The following FHIT variants were observed in gnomAD, a reference collection of about 807,000 sequenced individuals.
FHIT encodes fragile histidine triad diadenosine triphosphatase.
In FHIT, 19 loss-of-function variants were observed where a neutral mutation model predicts 17.9. The observed-to-expected ratio is 1.06, with a 90% CI of 0.74 to 1.56. FHIT has a LOEUF of 1.56. FHIT is among the 40% of genes most tolerant of loss of function. The pLI is 0.00. For missense variants in FHIT, 248 were observed against 189.2 expected, an observed-to-expected ratio of 1.31 and a Z score of -1.82; for synonymous variants, 81 against 69.7, an observed-to-expected ratio of 1.16 and a Z score of -0.81.
intron 8 of FHIT, among the ~76,000 whole-genome samples, chr3:59,793,519 TG>T (rs1277065791): frequency 2.6e-5 from 4 of 152,148 alleles, no homozygotes; most frequent in Non-Finnish European, 5.9e-5. Flanking sequence ...TTGAGCCTCC[TG>T]GCTTCCAGAC....
In FHIT at chr3:60,170,528, C is replaced by T. The variant is rs113011371; in HGVS notation, c.104-156376G>A. On this transcript the variant is annotated intron_variant, in intron 5 of 9. Coordinates refer to ENST00000492590, the MANE Select transcript of FHIT (RefSeq NM_002012.4). ...TACCAAATGGACCATGTTTTGCTCA[C>T]CAGTGTGACCCCAGCACTTAGGACA... is the stretch of plus-strand genomic sequence containing the variant. Among the ~76,000 whole-genome samples the T allele has an allele frequency of 2.2e-3, 339 of 152,236 alleles. 3 individuals are homozygous for T. The highest frequency in any genetic ancestry group is 7.8e-3 in the African/African-American group (323 of 41,558).
chr3:60,782,766 G>A (rs1214615097), intron 4 of FHIT, among the ~76,000 whole-genome samples: 3 of 152,160 alleles, frequency 2.0e-5, no homozygotes, highest in African/African-American at 7.2e-5. Context: ...GGTGCCAGTA[G>A]ATTAAGTGTC....
At chr3:60,028,923 C>A (rs1700866048) in intron 5 of FHIT, among the ~76,000 whole-genome samples, 1 of 152,118 alleles carries the variant, frequency 6.6e-6, no homozygotes, top group South Asian at 2.1e-4. Flanking sequence ...GGAAGGAGAT[C>A]CACACTTTAG....
At chr3:60,098,846 G>C (rs545089285) in intron 5 of FHIT, among the ~76,000 whole-genome samples, 1 of 152,260 alleles carries the variant, frequency 6.6e-6, no homozygotes, top group South Asian at 2.1e-4. Context: ...GTCAAATTTT[G>C]GGAGAGTCAA....
chr3:60,948,462 CAACATGAA>C (rs1180701983), intron 3 of FHIT, among the ~76,000 whole-genome samples: 23 of 152,262 alleles, frequency 1.5e-4, no homozygotes, highest in African/African-American at 5.3e-4. Context: ...GGACTTTGAT[CAACATGAA>C]AACTAAAAAT....
chr3:60,010,810 T>A (rs907796077), intron 7 of FHIT, among the ~76,000 whole-genome samples: 1 of 152,124 alleles, frequency 6.6e-6, no homozygotes, highest in Non-Finnish European at 1.5e-5. Flanking sequence ...TGAGCTCCAC[T>A]GACTCCATTA....
intron 3 of FHIT, among the ~76,000 whole-genome samples, chr3:60,924,015 G>A (rs113228858): frequency 1.3e-5 from 2 of 152,108 alleles, no homozygotes; most frequent in East Asian, 1.9e-4. Context: ...TTGGGGAGGG[G>A]CCCCTGCCAT....
intron 2 of FHIT, among the ~76,000 whole-genome samples, chr3:61,100,389 A>G (rs1284082840): frequency 6.6e-6 from 1 of 152,050 alleles, no homozygotes; most frequent in African/African-American, 2.4e-5. Context: ...AGGACATGAA[A>G]TTATCCTTTT....
At chr3:60,012,266 G>GTTTTTTTT (rs769497004) in intron 6 of FHIT, among the ~76,000 whole-genome samples, 1 of 112,482 alleles carries the variant, frequency 8.9e-6, no homozygotes, top group East Asian at 2.7e-4. Flanking sequence ...TTTTTTTGTT[G>GTTTTTTTT]TTTTTTTTTT....
chr3:60,421,030 C>T (rs1275263336), intron 5 of FHIT, among the ~76,000 whole-genome samples: 1 of 138,342 alleles, frequency 7.2e-6, no homozygotes, highest in Non-Finnish European at 1.6e-5. Flanking sequence ...TCTCCCACTA[C>T]TTTTTTTTTT....
intron 1 of FHIT, among the ~76,000 whole-genome samples, chr3:61,204,966 C>G (rs1278531038): frequency 6.9e-6 from 1 of 145,000 alleles, no homozygotes; most frequent in Non-Finnish European, 1.5e-5. Flanking sequence ...TAATGCCATC[C>G]CACCCACCCC....
chr3:60,027,009 G>T lies in FHIT; in HGVS notation c.104-12857C>A, dbSNP rs144543169. On this transcript the variant is annotated intron_variant, in intron 5 of 9. Coordinates refer to ENST00000492590, the MANE Select transcript of FHIT (RefSeq NM_002012.4). Reference sequence around the variant, plus strand: ...AGCTACTCGGAAAGCTGAGGCAGGAGAATTTCTTGAACCCAGGAAGCAGAG... The same window carrying T: ...AGCTACTCGGAAAGCTGAGGCAGGATAATTTCTTGAACCCAGGAAGCAGAG... Among the ~76,000 whole-genome samples, 13 of 152,020 alleles carry T rather than the reference G, an allele frequency of 8.6e-5. No homozygotes were observed. The East Asian group carries it at 2.5e-3, about 29-fold the overall frequency.
rs947023052 is a variant in FHIT, at chr3:61,230,135, G to A, written c.-213+21166C>T. 2.0e-4 allele frequency among the ~76,000 whole-genome samples: 30 copies of A among 152,334 alleles called. 1 individual carries two copies. The highest frequency in any genetic ancestry group is 7.0e-4 in the African/African-American group (29 of 41,580). ...CAACTTGAAAATGCCAAGACACAAT[G>A]AGAAAGACTTGGATCAATGAGATAG... On this transcript the variant is annotated intron_variant, in intron 1 of 9. Coordinates refer to ENST00000492590, the MANE Select transcript of FHIT (RefSeq NM_002012.4).
intron 5 of FHIT, among the ~76,000 whole-genome samples, chr3:60,125,164 T>C (rs900415868): frequency 6.6e-6 from 1 of 152,302 alleles, no homozygotes; most frequent in South Asian, 2.1e-4. Context: ...CCAAAGGTCA[T>C]GGAGCAAGAT....
intron 5 of FHIT, among the ~76,000 whole-genome samples, chr3:60,061,124 G>A (rs1353562051): frequency 6.6e-6 from 1 of 152,174 alleles, no homozygotes; most frequent in Non-Finnish European, 1.5e-5. Context: ...CAAATAATAG[G>A]ATGGGGAAAG....
Position 60,557,849 on chromosome 3 carries a change from T to C in FHIT, c.-17-20870A>G, listed in dbSNP as rs747215353. 1.3e-5 allele frequency among the ~76,000 whole-genome samples: 2 copies of C among 152,064 alleles called. 1 individual carries two copies. The highest frequency in any genetic ancestry group is 4.1e-4 in the South Asian group (2 of 4,822). On this transcript the variant is annotated intron_variant, in intron 4 of 9. Coordinates refer to ENST00000492590, the MANE Select transcript of FHIT (RefSeq NM_002012.4). Reference sequence around the variant, plus strand: ...TGATGTGTGTTCTCCCAGTGCAGAATCTCTGAGCTCTGTAATCTTAAAGGC... The same window carrying C: ...TGATGTGTGTTCTCCCAGTGCAGAACCTCTGAGCTCTGTAATCTTAAAGGC...
rs2036997562 is a variant in FHIT at position 61,139,029 on chromosome 3, AC to A, written c.-164+61587del. ...AGCCCCGTATGCAACTCTATATCAAACTTTTTTTTTTTTTTTTTGAGACAGA... is the reference window on the plus strand; with the variant it reads ...AGCCCCGTATGCAACTCTATATCAAATTTTTTTTTTTTTTTTTGAGACAGA... On this transcript the variant is annotated intron_variant, in intron 2 of 9. Coordinates refer to ENST00000492590, the MANE Select transcript of FHIT (RefSeq NM_002012.4). Among the ~76,000 whole-genome samples, 3 of 136,424 alleles carry A rather than the reference AC, an allele frequency of 2.2e-5. No individual in the cohort carries two copies. The Admixed American group carries it at 2.4e-4, about 11-fold the overall frequency. The allele number at this position is 136,424 out of a possible 152,430, so 89.5% of individuals were successfully genotyped here. A position where few individuals can be genotyped will look rare whatever the true frequency, so the allele number is the denominator to read the frequency against.
chr3:60,130,800 C>CAG (rs1699525158), intron 5 of FHIT, among the ~76,000 whole-genome samples: 1 of 130,064 alleles, frequency 7.7e-6, no homozygotes. Flanking sequence ...TATATACACA[C>CAG]ATATATATGT....
chr3:60,963,505 C>A (rs1553781910), intron 3 of FHIT, among the ~76,000 whole-genome samples: 1 of 152,152 alleles, frequency 6.6e-6, no homozygotes, highest in Non-Finnish European at 1.5e-5. Context: ...TTGTCTAGTT[C>A]TTTTAATTGT....
Sources: allele counts gnomAD v4.1 joint callset (sites outside exome capture counted in the v4.1 genomes callset), GRCh38; gene constraint gnomAD v4.1.1; transcripts MANE v1.5; gene names NCBI Gene and HGNC (gene_info 2026-07-23, HGNC 2026-07-21).